Variants in PFKL observed in about 807,000 individuals in gnomAD.
The protein encoded by PFKL is ATP-dependent 6-phosphofructokinase, liver type.
A neutral mutation model predicts 92.1 loss-of-function variants in PFKL; 74 were observed. The ratio of observed to expected loss-of-function variants is 0.80; its 90% CI spans 0.67 to 0.97. PFKL has a LOEUF of 0.97. Ranked by LOEUF, PFKL falls within the 50% of genes least tolerant of loss-of-function variation. The probability of loss-of-function intolerance (pLI) is 0.00; values close to 1 mark genes in which losing one functional copy is unlikely to be tolerated. For synonymous variants in PFKL, 494 were observed against 456.4 expected (o/e 1.08, Z -1.05); for missense variants, 1,028 against 1,116.6 (o/e 0.92, Z 1.13).
chr21:44,312,056 T>A (rs2047060955), intron 3 of PFKL, 49 bp from the exon 4 acceptor site: 1 of 1,353,172 alleles, frequency 7.4e-7, no homozygotes, highest in South Asian at 1.7e-5. Flanking sequence ...CCCCAGGGGC[T>A]GTCTGCCGCC....
At chr21:44,301,185 T>G (rs986397050) in intron 1 of PFKL, among the ~76,000 whole-genome samples, 1 of 152,206 alleles carries the variant, frequency 6.6e-6, no homozygotes, top group Non-Finnish European at 1.5e-5. Flanking sequence ...AAGCCGGCCT[T>G]GAGTGGGACC....
chr21:44,325,849 G>T lies in PFKL; in HGVS notation c.1990-112G>T. 7.2e-6 allele frequency: 5 copies of T among 692,324 alleles called. No homozygotes were observed. The South Asian group carries it at 8.7e-5, about 12-fold the overall frequency. 42.9% of individuals were successfully genotyped at this position (692,324 alleles called of 1,614,324 possible). The stretch of plus-strand genomic sequence containing the variant: ...ACGGTGCACGGGTTGGAAGGAATGG[G>T]TGTTCACAAGCTGCCTGGGAGGCTC... On this transcript the variant is annotated intron_variant, in intron 19 of 21. Transcript: ENST00000349048.
At position 44,312,162 on chromosome 21, in the gene PFKL, C is replaced by T. The variant is rs772061560; in HGVS notation, c.295C>T (p.Arg99Trp). Residue 99 changes from arginine to tryptophan, a missense_variant, in exon 4 of 22, where the codon CGG becomes TGG. Coordinates refer to ENST00000349048, the MANE Select transcript of PFKL (RefSeq NM_002626.6). ...CKAFTTREGR[R>W]AAAYNLVQHG... Reference sequence around the variant, plus strand: ...GGCCTTTACCACCAGGGAGGGGCGCCGGGCAGCGGCCTACAACCTGGTCCA... The same window carrying T: ...GGCCTTTACCACCAGGGAGGGGCGCTGGGCAGCGGCCTACAACCTGGTCCA... 16 of 1,593,382 alleles carry T rather than the reference C, an allele frequency of 1.0e-5. No individual in the cohort carries two copies. The highest frequency in any genetic ancestry group is 3.4e-5 in the South Asian group (3 of 88,372).
At chr21:44,305,792 C>T in intron 1 of PFKL, 2 of 1,366,740 alleles carry the variant, frequency 1.5e-6, no homozygotes, top group South Asian at 1.1e-5. Context: ...GTTAATGTCC[C>T]TCTCCAGGAA....
chr21:44,312,054 G>T (rs760043080), intron 3 of PFKL, 51 bp from the exon 4 acceptor site: 4 of 1,353,384 alleles, frequency 3.0e-6, no homozygotes, highest in Non-Finnish European at 3.9e-6. Flanking sequence ...ATCCCCAGGG[G>T]CTGTCTGCCG....
intron 7 of PFKL, chr21:44,314,838 C>G (rs896849998): frequency 2.6e-5 from 4 of 152,250 alleles, no homozygotes; most frequent in African/African-American, 9.7e-5. Flanking sequence ...AGGCCAGGGG[C>G]CCCCGTGGCT....
Position 44,324,534 on chromosome 21 carries a change from G to T in PFKL, c.1694G>T (p.Arg565Leu). Residue 565 changes from arginine to leucine, a missense_variant, in exon 17 of 22, where the codon CGT becomes CTT. Arg to Leu is a moderately radical substitution (Grantham distance 102, BLOSUM62 -2). Coordinates refer to ENST00000349048, the MANE Select transcript of PFKL (RefSeq NM_002626.6). ...CAGTCTGCCTCGGGGACCAAGCGCCGTGTGTTCATCGTGGAGACCATGGGG... is the reference window on the plus strand; with the variant it reads ...CAGTCTGCCTCGGGGACCAAGCGCCTTGTGTTCATCGTGGAGACCATGGGG... ...IKQSASGTKR[R>L]VFIVETMGGY... The T allele has an allele frequency of 6.2e-7, 1 of 1,613,472 alleles. No homozygotes were observed. Among genetic ancestry groups the T allele is most frequent in the Non-Finnish European group, 8.5e-7 (1 of 1,179,898 alleles).
chr21:44,303,284 G>A (rs1317699646), intron 1 of PFKL, among the ~76,000 whole-genome samples: 1 of 150,516 alleles, frequency 6.6e-6, no homozygotes, highest in African/African-American at 2.5e-5. Context: ...GGTGGTACAT[G>A]CCTGTAGTCC....
intron 12 of PFKL, chr21:44,320,578 T>C (rs900775496): frequency 6.4e-6 from 1 of 155,608 alleles, no homozygotes; most frequent in African/African-American, 2.4e-5. Context: ...ATACAAAAAT[T>C]AGCTGGGCGT....
intron 2 of PFKL, among the ~76,000 whole-genome samples, chr21:44,308,936 T>G (rs1288516286): frequency 6.6e-6 from 1 of 152,128 alleles, no homozygotes; most frequent in Non-Finnish European, 1.5e-5. Flanking sequence ...CCAAGTGTGT[T>G]GGCAGACACA....
Position 44,322,984 on chromosome 21 carries a change from G to C in PFKL, c.1432G>C (p.Glu478Gln), listed in dbSNP as rs1325079873. The C allele has an allele frequency of 4.3e-6, 7 of 1,612,522 alleles. No homozygotes were observed. Among genetic ancestry groups the C allele is most frequent in the Non-Finnish European group, 5.9e-6 (7 of 1,179,264 alleles). The change falls in exon 15 of 22, where the codon GAG becomes CAG. Residue 478 changes from glutamate to glutamine, a missense_variant. Glu to Gln is a conservative substitution (Grantham distance 29, BLOSUM62 2). Transcript: ENST00000349048. ...TKRTLPKGQL[E>Q]SIVENIRIYG... is the part of the protein sequence containing the mutation. ...CAGGACCCTGCCCAAGGGCCAGCTG[G>C]AGTCCATTGTGGAGAACATCCGCAT...
chr21:44,313,628 A>G lies in PFKL; in HGVS notation c.594-10A>G. 6.2e-7 allele frequency: 1 copy of G among 1,611,006 alleles called. No individual in the cohort carries two copies. The highest frequency in any genetic ancestry group is 8.5e-7 in the Non-Finnish European group (1 of 1,179,230). The stretch of plus-strand genomic sequence containing the variant: ...TGGCACTGATGCATCCTCCTGTTCC[A>G]TCTCCACAGCCACCAGAGGACCTTC... On this transcript the variant is annotated splice_polypyrimidine_tract_variant and intron_variant, in intron 5 of 21. Transcript: ENST00000349048.
chr21:44,310,998 G>C lies in PFKL; in HGVS notation c.160-8G>C, dbSNP rs370771278. 1.3e-4 allele frequency: 216 copies of C among 1,611,230 alleles called. 8 individuals carry two copies. In the Middle Eastern group the frequency reaches 3.0e-3, roughly 22 times the overall value. On this transcript the variant is annotated splice_region_variant and splice_polypyrimidine_tract_variant and intron_variant, in intron 2 of 21. Transcript: ENST00000349048. Reference sequence around the variant, plus strand: ...CCTATCTCATGCCTGCCCCACTCTTGATTTCAGGGCTATGAGGGCCTCGTG... The same window carrying C: ...CCTATCTCATGCCTGCCCCACTCTTCATTTCAGGGCTATGAGGGCCTCGTG...
At chr21:44,317,598 G>A (rs1260106346) in intron 9 of PFKL, among the ~76,000 whole-genome samples, 1 of 152,208 alleles carries the variant, frequency 6.6e-6, no homozygotes, top group Non-Finnish European at 1.5e-5. Context: ...CCTGATGCCG[G>A]GTGTGAAACA....
chr21:44,313,229 A>G (rs2047104722), intron 5 of PFKL, 86 bp downstream of exon 5: 1 of 1,443,632 alleles, frequency 6.9e-7, no homozygotes, highest in Admixed American at 1.8e-5. Context: ...GGCCATCTGC[A>G]AGGGCAGTGG....
rs766178214 is a variant in PFKL, at chr21:44,321,813, A to G, written c.1276A>G (p.Ile426Val). ...CGTGCGCTCGGCGGTGCGGACCGGC[A>G]TCTCCCATGGACACACAGTATACGT... Reference protein sequence around the residue: ...AAVRSAVRTGISHGHTVYVVH... With the variant: ...AAVRSAVRTGVSHGHTVYVVH... The change falls in exon 13 of 22, where the codon ATC (isoleucine) becomes GTC (valine). Residue 426 changes from isoleucine (I) to valine (V), a missense_variant. Transcript: ENST00000349048. The G allele has an allele frequency of 9.4e-6, 15 of 1,602,674 alleles. No homozygotes were observed. Among genetic ancestry groups the G allele is most frequent in the Non-Finnish European group, 1.3e-5 (15 of 1,174,516 alleles).
chr21:44,301,510 A>C (rs932489478), intron 1 of PFKL, among the ~76,000 whole-genome samples: 1 of 152,202 alleles, frequency 6.6e-6, no homozygotes, highest in Non-Finnish European at 1.5e-5. Flanking sequence ...GGTAGCTAGA[A>C]GACTTGAAGC....
chr21:44,301,969 G>T (rs2040787161), intron 1 of PFKL, among the ~76,000 whole-genome samples: 1 of 152,246 alleles, frequency 6.6e-6, no homozygotes, highest in South Asian at 2.1e-4. Flanking sequence ...GGGCCAGCGG[G>T]GAGGGGCACC....
intron 21 of PFKL, 140 bp downstream of exon 21, chr21:44,326,404 C>A: frequency 1.4e-6 from 1 of 704,228 alleles, no homozygotes; most frequent in Non-Finnish European, 2.4e-6. Context: ...CAGGTCCCCG[C>A]CAGGCCGTGG....
Sources: allele counts gnomAD v4.1 joint callset (sites outside exome capture counted in the v4.1 genomes callset), GRCh38; gene constraint gnomAD v4.1.1; transcripts MANE v1.5; gene names NCBI Gene and HGNC (gene_info 2026-07-23, HGNC 2026-07-21).